FGF9: variants seen among roughly 807,000 people sequenced by gnomAD.
The protein encoded by FGF9 is fibroblast growth factor 9 (glia-activating factor).
In FGF9, 3 loss-of-function variants were observed where a neutral mutation model predicts 19.9. That is an observed-to-expected ratio of 0.15 (90% confidence interval 0.07 to 0.39). The LOEUF is 0.39. Ranked by LOEUF, FGF9 falls within the 10% of genes least tolerant of loss-of-function variation. FGF9 has a pLI of 1.00. For synonymous variants in FGF9, 107 were observed against 106.9 expected (o/e 1.00, Z -0.01); for missense variants, 175 against 256.8 (o/e 0.68, Z 2.18).
At chr13:21,681,182 A>C in intron 2 of FGF9, 37 bp downstream of exon 2, 33 of 1,418,628 alleles carry the variant, frequency 2.3e-5, no homozygotes, top group Non-Finnish European at 2.7e-5. Context: ...CTTTATCTCC[A>C]TGTTTGATTT....
At chr13:21,699,471 G>T (rs768446217) in intron 2 of FGF9, among the ~76,000 whole-genome samples, 1 of 152,158 alleles carries the variant, frequency 6.6e-6, no homozygotes, top group Non-Finnish European at 1.5e-5. Flanking sequence ...AGGAAGTGCC[G>T]GCCCTCATGA....
chr13:21,678,277 A>T (rs1418429328), intron 1 of FGF9, among the ~76,000 whole-genome samples: 1 of 152,240 alleles, frequency 6.6e-6, no homozygotes, highest in Non-Finnish European at 1.5e-5. Flanking sequence ...GAACTCAGCT[A>T]TATGAAAATG....
chr13:21,694,104 A>T (rs1201080300), intron 2 of FGF9, among the ~76,000 whole-genome samples: 2 of 151,866 alleles, frequency 1.3e-5, no homozygotes, highest in Admixed American at 6.6e-5. Flanking sequence ...TCTTAGTGCA[A>T]TTTTTTCATT....
intron 2 of FGF9, among the ~76,000 whole-genome samples, chr13:21,693,591 C>T (rs1366305832): frequency 1.3e-5 from 2 of 152,140 alleles, no homozygotes; most frequent in Non-Finnish European, 2.9e-5. Context: ...TTTGGCTTTT[C>T]TTCCCAGTAA....
chr13:21,699,288 T>C (rs547942037), intron 2 of FGF9, among the ~76,000 whole-genome samples: 1 of 152,360 alleles, frequency 6.6e-6, no homozygotes, highest in Non-Finnish European at 1.5e-5. Flanking sequence ...TCTGTCCCCA[T>C]GAACACAGCA....
intron 2 of FGF9, among the ~76,000 whole-genome samples, chr13:21,695,448 CAG>C (rs1872385992): frequency 6.6e-6 from 1 of 151,830 alleles, no homozygotes; most frequent in African/African-American, 2.4e-5. Context: ...TTTTGGAAAA[CAG>C]GGCTTGAGGT....
chr13:21,673,292 T>G (rs1871813675), intron 1 of FGF9, among the ~76,000 whole-genome samples: 1 of 150,314 alleles, frequency 6.7e-6, no homozygotes, highest in South Asian at 2.2e-4. Context: ...CATGCTTTAG[T>G]GCCAGATGTT....
rs1872144512 is a variant in FGF9, at chr13:21,685,863, G to A, written c.381+4718G>A. Among the ~76,000 whole-genome samples, 6 of 152,144 alleles carry A rather than the reference G, an allele frequency of 3.9e-5. No individual in the cohort carries two copies. In the South Asian group the frequency reaches 1.2e-3, roughly 32 times the overall value. ...AGGAAGGGCAGGCAGGTTAGGTCAC[G>A]TGACCCTTCAAATGTCACAATTAAA... On this transcript the variant is annotated intron_variant, in intron 2 of 2. Coordinates refer to ENST00000382353, the MANE Select transcript of FGF9 (RefSeq NM_002010.3).
At chr13:21,680,196 G>C (rs1872010618) in intron 1 of FGF9, among the ~76,000 whole-genome samples, 2 of 152,156 alleles carry the variant, frequency 1.3e-5, no homozygotes, top group South Asian at 4.1e-4. Context: ...TTTAAATCAA[G>C]AGCAGTATTT....
intron 2 of FGF9, among the ~76,000 whole-genome samples, chr13:21,692,261 A>G (rs992485413): frequency 2.0e-4 from 30 of 151,172 alleles, no homozygotes; most frequent in South Asian, 4.2e-4. Context: ...CTCCCTCCCC[A>G]CTTTGCTTCC....
chr13:21,691,464 T>G lies in FGF9; in HGVS notation c.382-9726T>G, dbSNP rs954886178. On this transcript the variant is annotated intron_variant, in intron 2 of 2. Transcript: ENST00000382353. The surrounding 1 kb of genome is among the most constrained non-coding windows in gnomAD (Gnocchi z 4.2). The stretch of plus-strand genomic sequence containing the variant: ...TGCAGGGTTTAGAAACATGGAGGCT[T>G]CTGGATGTCTCCGGATTCTGTGGTC... Among the ~76,000 whole-genome samples the G allele has an allele frequency of 6.6e-6, 1 of 152,184 alleles. No individual in the cohort carries two copies. The highest frequency in any genetic ancestry group is 2.4e-5 in the African/African-American group (1 of 41,452).
intron 2 of FGF9, among the ~76,000 whole-genome samples, chr13:21,683,629 G>A (rs1261667709): frequency 6.6e-6 from 1 of 152,192 alleles, no homozygotes; most frequent in Non-Finnish European, 1.5e-5. Context: ...AGGGTAAAAT[G>A]GCTCTTCTTC....
chr13:21,682,380 A>C (rs1476340237), intron 2 of FGF9, among the ~76,000 whole-genome samples: 3 of 152,230 alleles, frequency 2.0e-5, no homozygotes, highest in Non-Finnish European at 4.4e-5. Flanking sequence ...AAAGAAGCTT[A>C]GAATGAGGAA....
intron 2 of FGF9, among the ~76,000 whole-genome samples, chr13:21,683,566 C>T (rs1872091237): frequency 6.6e-6 from 1 of 152,186 alleles, no homozygotes; most frequent in Non-Finnish European, 1.5e-5. Context: ...AGCTGCACAT[C>T]TTGCCGACAG....
intron 2 of FGF9, among the ~76,000 whole-genome samples, chr13:21,686,314 C>T (rs1565950895): frequency 6.6e-6 from 1 of 152,188 alleles, no homozygotes; most frequent in South Asian, 2.1e-4. Flanking sequence ...CAGGCGTGAG[C>T]CCCCATGCTT....
chr13:21,671,452 G>A lies in FGF9; in HGVS notation c.-461G>A. ...GAGTAAAAACAGCGCATGCCTTCCTGGAGTCAGGATCCGTAAATTCTGACG... is the reference window on the plus strand; with the variant it reads ...GAGTAAAAACAGCGCATGCCTTCCTAGAGTCAGGATCCGTAAATTCTGACG... On this transcript the variant is annotated 5_prime_UTR_variant, in exon 1 of 3. An upstream open reading frame in the 5' UTR gains an earlier in-frame stop. Transcript: ENST00000382353. 2.3e-6 allele frequency: 1 copy of A among 432,024 alleles called. No homozygotes were observed. Among genetic ancestry groups the A allele is most frequent in the Non-Finnish European group, 4.1e-6 (1 of 246,144 alleles). 26.8% of individuals were successfully genotyped at this position (432,024 alleles called of 1,614,324 possible). A position where few individuals can be genotyped will look rare whatever the true frequency, so the allele number is the denominator to read the frequency against.
Position 21,701,698 on chromosome 13 carries a change from G to GGT in FGF9, c.*264_*265insTG. ...GGAGAGAGAGAGAGACTGAGCGCTA[G>GGT]GAGTGTGTGTATGTGTGTGTGTGTG... On this transcript the variant is annotated 3_prime_UTR_variant, in exon 3 of 3. Transcript: ENST00000382353. 1 of 467,732 alleles carries GGT rather than the reference G, an allele frequency of 2.1e-6. No homozygotes were observed. The highest frequency in any genetic ancestry group is 3.8e-6 in the Non-Finnish European group (1 of 259,854). 29.0% of individuals were successfully genotyped at this position (467,732 alleles called of 1,614,324 possible).
chr13:21,671,996 C>G lies in FGF9; in HGVS notation c.84C>G (p.Asp28Glu). Residue 28 changes from aspartate (D) to glutamate (E), a missense_variant, in exon 1 of 3, where the codon GAC becomes GAG. Transcript: ENST00000382353. ...PFGNVPVLPVDSPVLLSDHLG... is the reference protein window; with the variant it reads ...PFGNVPVLPVESPVLLSDHLG... ...GGAATGTGCCCGTGTTGCCGGTGGA[C>G]AGCCCGGTTTTGTTAAGTGACCACC... is the stretch of plus-strand genomic sequence containing the variant. The G allele has an allele frequency of 6.2e-7, 1 of 1,614,188 alleles. No homozygotes were observed. Among genetic ancestry groups the G allele is most frequent in the African/African-American group, 1.3e-5 (1 of 75,032 alleles).
At chr13:21,697,922 C>T (rs1226642609) in intron 2 of FGF9, among the ~76,000 whole-genome samples, 1 of 152,064 alleles carries the variant, frequency 6.6e-6, no homozygotes, top group African/African-American at 2.4e-5. Context: ...ATTCTCCTGC[C>T]TCAGCCTCCC....
Sources: gnomAD v4.1 joint callset for allele counts (sites outside exome capture counted in the v4.1 genomes callset) on GRCh38, gnomAD v4.1.1 for gene constraint, Gnocchi (gnomAD v3.1) non-coding constraint, MANE v1.5 for transcripts, NCBI Gene and HGNC (gene_info 2026-07-23, HGNC 2026-07-21) for gene names.